AOPEP: variants seen among roughly 807,000 people sequenced by gnomAD.
AOPEP encodes aminopeptidase O (putative).
Under a neutral mutation model 98.1 loss-of-function variants are expected in AOPEP, and 77 were observed. That is an observed-to-expected ratio of 0.78 (90% confidence interval 0.65 to 0.95). The LOEUF (loss-of-function observed/expected upper bound fraction) is 0.95. Ranked by LOEUF, AOPEP falls within the 40% of genes least tolerant of loss-of-function variation. The pLI, the probability that AOPEP is intolerant of heterozygous loss-of-function variation, is 0.00. For synonymous variants in AOPEP, 346 were observed against 365.3 expected (o/e 0.95, Z 0.60); for missense variants, 1,024 against 1,024.7 (o/e 1.00, Z 0.01).
the AOPEP span, among the ~76,000 whole-genome samples, chr9:95,144,421 T>G: frequency 5.2e-4 from 79 of 152,268 alleles, no homozygotes; most frequent in Admixed American, 1.6e-3. Context: ...CAAGCAAAAT[T>G]ACAAGCAAGG....
intron 3 of AOPEP, among the ~76,000 whole-genome samples, chr9:94,775,228 T>A (rs992528129): frequency 1.3e-5 from 2 of 152,186 alleles, no homozygotes; most frequent in African/African-American, 4.8e-5. Flanking sequence ...CATCAGGTTG[T>A]GAAATGAGGA....
chr9:94,765,557 G>C (rs1227686438), intron 2 of AOPEP, among the ~76,000 whole-genome samples: 5 of 150,750 alleles, frequency 3.3e-5, no homozygotes, highest in Non-Finnish European at 7.4e-5. Context: ...GGTCATGTTT[G>C]TGCCACTGCA....
intron 5 of AOPEP, among the ~76,000 whole-genome samples, chr9:94,875,777 C>T (rs183187302): frequency 6.6e-6 from 1 of 152,154 alleles, no homozygotes; most frequent in Non-Finnish European, 1.5e-5. Context: ...AGAGATTAAC[C>T]TAAATTCTGA....
chr9:94,788,359 C>CAT (rs950704965), intron 3 of AOPEP, among the ~76,000 whole-genome samples: 2 of 152,170 alleles, frequency 1.3e-5, no homozygotes, highest in African/African-American at 2.4e-5. Flanking sequence ...GATCACACCA[C>CAT]ATCCGGCCTT....
At chr9:94,937,981 C>G (rs1051713181) in intron 7 of AOPEP, among the ~76,000 whole-genome samples, 1 of 152,166 alleles carries the variant, frequency 6.6e-6, no homozygotes, top group Admixed American at 6.5e-5. Flanking sequence ...TCAAGCGATT[C>G]TCCTGCCTCA....
Position 94,800,887 on chromosome 9 carries a change from C to T in AOPEP, c.1249C>T (p.Leu417=). Residue 417 remains leucine, a synonymous_variant, in exon 5 of 17, where the codon CTG becomes TTG. Transcript: ENST00000375315. ...CACGGGTGCCTGCCAAGAGACCCTT[C>T]TGCGGCTGATCCCTCCTTGCCTCTC... ...CLTGACQETL[L]RLIPPCLSAA... 1 of 1,614,160 alleles carries T rather than the reference C, an allele frequency of 6.2e-7. No individual in the cohort carries two copies. The highest frequency in any genetic ancestry group is 8.5e-7 in the Non-Finnish European group (1 of 1,180,032).
the AOPEP span, among the ~76,000 whole-genome samples, chr9:95,134,794 G>C: frequency 7.2e-5 from 11 of 152,248 alleles, no homozygotes; most frequent in Non-Finnish European, 1.6e-4. Flanking sequence ...ACGTGGGCTG[G>C]AGTCCCCAGC....
the AOPEP span, chr9:95,101,413 C>G: frequency 2.1e-6 from 1 of 482,056 alleles, no homozygotes; most frequent in Non-Finnish European, 3.8e-6. Flanking sequence ...TTCTCCCACC[C>G]AGGCCTTTGC....
intron 5 of AOPEP, among the ~76,000 whole-genome samples, chr9:94,901,839 A>G (rs2136246739): frequency 6.6e-6 from 1 of 152,062 alleles, no homozygotes; most frequent in East Asian, 1.9e-4. Flanking sequence ...TACTTGGGAG[A>G]CTGAGGATGC....
intron 5 of AOPEP, among the ~76,000 whole-genome samples, chr9:94,804,284 C>T (rs1848783118): frequency 6.6e-6 from 1 of 152,200 alleles, no homozygotes; most frequent in Non-Finnish European, 1.5e-5. Flanking sequence ...CTTTGCTTTG[C>T]ATTTGTCTCT....
chr9:95,019,141 CA>C (rs1170736769), intron 13 of AOPEP: 2 of 152,170 alleles, frequency 1.3e-5, no homozygotes, highest in Non-Finnish European at 2.9e-5. Flanking sequence ...TATACAGCAG[CA>C]AGTACAGCAG....
intron 5 of AOPEP, among the ~76,000 whole-genome samples, chr9:94,910,770 G>A (rs1301179066): frequency 6.6e-6 from 1 of 152,130 alleles, no homozygotes; most frequent in South Asian, 2.1e-4. Flanking sequence ...TAACACATCT[G>A]CAGAGAAGGA....
intron 7 of AOPEP, 103 bp from the exon 8 acceptor site, chr9:94,955,074 G>T: frequency 3.1e-6 from 2 of 636,916 alleles, no homozygotes; most frequent in Non-Finnish European, 2.8e-6. Flanking sequence ...AATAGAATCA[G>T]GATGATATTG....
chr9:94,947,143 A>AT (rs560693372), intron 7 of AOPEP, among the ~76,000 whole-genome samples: 4,694 of 142,128 alleles, frequency 0.033, 124 homozygotes, highest in South Asian at 0.096. Flanking sequence ...CGCCCGGCTA[A>AT]TTTTTTTTTT....
At chr9:94,831,079 G>A (rs1001004100) in intron 5 of AOPEP, among the ~76,000 whole-genome samples, 2 of 152,026 alleles carry the variant, frequency 1.3e-5, no homozygotes, top group African/African-American at 4.8e-5. Context: ...ATCAGTTTTT[G>A]CTTTTGTTGC....
intron 5 of AOPEP, among the ~76,000 whole-genome samples, chr9:94,805,752 T>TATGTAC (rs1849133169): frequency 6.6e-6 from 1 of 152,218 alleles, no homozygotes; most frequent in Admixed American, 6.5e-5. Context: ...GGTATGCACG[T>TATGTAC]ACATGCCCAA....
the AOPEP span, among the ~76,000 whole-genome samples, chr9:95,130,282 C>CTGTG: frequency 1.2e-4 from 18 of 146,908 alleles, no homozygotes; most frequent in South Asian, 1.8e-3. Context: ...TTTGCTGATT[C>CTGTG]TGTGTGTGTG....
At chr9:94,849,251 A>G (rs2043231682) in intron 5 of AOPEP, among the ~76,000 whole-genome samples, 1 of 152,190 alleles carries the variant, frequency 6.6e-6, no homozygotes, top group Non-Finnish European at 1.5e-5. Flanking sequence ...TTATATTTTC[A>G]TTGAAGTTTA....
intron 5 of AOPEP, among the ~76,000 whole-genome samples, chr9:94,916,520 T>TG (rs1057436903): frequency 5.9e-5 from 9 of 151,940 alleles, no homozygotes; most frequent in African/African-American, 2.2e-4. Flanking sequence ...CTGGCCAACA[T>TG]GGTGAAACTC....
Sources: allele counts gnomAD v4.1 joint callset (sites outside exome capture counted in the v4.1 genomes callset), GRCh38; gene constraint gnomAD v4.1.1; transcripts MANE v1.5; gene names NCBI Gene and HGNC (gene_info 2026-07-23, HGNC 2026-07-21).